The following KDM4C variants were observed in gnomAD, a reference collection of about 807,000 sequenced individuals.
KDM4C encodes lysine demethylase 4C.
In KDM4C, 81 loss-of-function variants were observed where a neutral mutation model predicts 129.3. The observed-to-expected ratio is 0.63, with a 90% CI of 0.52 to 0.75. The LOEUF is 0.75. Among genes scored for constraint, KDM4C ranks in the 30% least tolerant of loss-of-function variants. The pLI, the probability that KDM4C is intolerant of heterozygous loss-of-function variation, is 0.00. For missense variants in KDM4C, 1,457 were observed against 1,304.0 expected (o/e 1.12, Z -1.81); for synonymous variants, 573 against 456.1 (o/e 1.26, Z -3.26).
chr9:6,793,702 C>T (rs537756245), intron 2 of KDM4C, among the ~76,000 whole-genome samples: 32 of 151,838 alleles, frequency 2.1e-4, no homozygotes, highest in African/African-American at 6.8e-4. Flanking sequence ...CACCATGCCC[C>T]GCTAATTTTT....
intron 18 of KDM4C, among the ~76,000 whole-genome samples, chr9:7,119,283 C>T (rs749307985): frequency 2.6e-5 from 4 of 152,016 alleles, no homozygotes; most frequent in Admixed American, 6.6e-5. Context: ...TTGGCTGCTG[C>T]GTCATTAAAT....
chr9:7,007,466 G>A (rs1376571749), intron 12 of KDM4C, among the ~76,000 whole-genome samples: 2 of 152,126 alleles, frequency 1.3e-5, no homozygotes, highest in Non-Finnish European at 1.5e-5. Flanking sequence ...AGAAAAGGAG[G>A]CCTTTTTGCT....
intron 1 of KDM4C, among the ~76,000 whole-genome samples, chr9:6,761,096 A>G (rs1460492807): frequency 1.5e-5 from 2 of 137,094 alleles, no homozygotes; most frequent in South Asian, 2.3e-4. Context: ...TGCAACCTCT[A>G]TCTCCCAGGT....
At chr9:6,814,588 C>T in intron 3 of KDM4C, 43 bp from the exon 4 acceptor site, 1 of 1,274,526 alleles carries the variant, frequency 7.8e-7, no homozygotes, top group Non-Finnish European at 1.1e-6. Flanking sequence ...AACCCTAAAA[C>T]TGACTTACTG....
intron 1 of KDM4C, among the ~76,000 whole-genome samples, chr9:6,733,038 C>G (rs1563916027): frequency 6.6e-6 from 1 of 152,088 alleles, no homozygotes; most frequent in Non-Finnish European, 1.5e-5. Context: ...GAAAGTACCA[C>G]CACGTGGTTA....
chr9:7,035,978 G>T (rs7854335), intron 15 of KDM4C, among the ~76,000 whole-genome samples: 54,332 of 151,962 alleles, frequency 0.36, 10,880 homozygotes, highest in Middle Eastern at 0.46. Context: ...ATCATTTGTG[G>T]TTCCATACAA....
chr9:7,035,005 T>C (rs1564018361), intron 15 of KDM4C, among the ~76,000 whole-genome samples: 1 of 152,002 alleles, frequency 6.6e-6, no homozygotes, highest in Non-Finnish European at 1.5e-5. Context: ...GCCCATTCTT[T>C]GTTTCTTTTT....
intron 5 of KDM4C, among the ~76,000 whole-genome samples, chr9:6,854,300 G>A (rs62535683): frequency 0.075 from 11,404 of 151,890 alleles, 615 homozygotes; most frequent in Non-Finnish European, 0.11. Context: ...AGGCCGAGGC[G>A]GGCGGATCAC....
chr9:6,940,034 T>TTCCCTCC (rs1563850249), intron 8 of KDM4C, among the ~76,000 whole-genome samples: 1 of 70,996 alleles, frequency 1.4e-5, no homozygotes. Context: ...TCCTTCCTTC[T>TTCCCTCC]TTCCTTCCTT....
rs772965524 is a variant in KDM4C at position 7,106,997 on chromosome 9, A to C, written c.2610+3127A>C. The stretch of plus-strand genomic sequence containing the variant: ...TGGAAAAAAGTGTGTCACAGGAAGT[A>C]CACAGCTGATCCCTGTTATTTCAAC... On this transcript the variant is annotated intron_variant, in intron 18 of 21. Coordinates refer to ENST00000381309, the MANE Select transcript of KDM4C (RefSeq NM_015061.6). 1.4e-4 allele frequency among the ~76,000 whole-genome samples: 21 copies of C among 152,298 alleles called. 1 individual carries two copies. The highest frequency in any genetic ancestry group is 3.4e-3 in the Middle Eastern group (1 of 294).
At chr9:6,761,653 C>T (rs1047074677) in intron 1 of KDM4C, among the ~76,000 whole-genome samples, 1 of 152,118 alleles carries the variant, frequency 6.6e-6, no homozygotes. Flanking sequence ...AGTCTTTATA[C>T]TGCTCATGGT....
At position 6,779,032 on chromosome 9, in the gene KDM4C, C is replaced by CTTTTTTTTTTTTTTTTTTT. The variant is rs60503128; in HGVS notation, c.-17-13926_-17-13925insTTTTTTTTTTTTTTTTTTT. On this transcript the variant is annotated intron_variant, in intron 1 of 21. Coordinates refer to ENST00000381309, the MANE Select transcript of KDM4C (RefSeq NM_015061.6). Reference sequence around the variant, plus strand: ...CTACCTCACCAGGCCTGATTAAAGTCTTTTTTTTTTTTTTGAGATGGAGTC... The same window carrying CTTTTTTTTTTTTTTTTTTT: ...CTACCTCACCAGGCCTGATTAAAGTCTTTTTTTTTTTTTTTTTTTTTTTTTTTTTTTTTGAGATGGAGTC... Among the ~76,000 whole-genome samples the CTTTTTTTTTTTTTTTTTTT allele has an allele frequency of 7.4e-5, 7 of 94,630 alleles. 2 individuals carry two copies. Among genetic ancestry groups the CTTTTTTTTTTTTTTTTTTT allele is most frequent in the African/African-American group, 3.6e-4 (7 of 19,402 alleles). 62.1% of individuals were successfully genotyped at this position (94,630 alleles called of 152,430 possible).
At chr9:7,112,645 A>G (rs1398632109) in intron 18 of KDM4C, among the ~76,000 whole-genome samples, 1 of 152,194 alleles carries the variant, frequency 6.6e-6, no homozygotes, top group African/African-American at 2.4e-5. Flanking sequence ...CCTGGCCCCC[A>G]CAGGGCTGAT....
At chr9:6,996,687 G>GTGC (rs1188631889) in intron 12 of KDM4C, among the ~76,000 whole-genome samples, 1 of 152,214 alleles carries the variant, frequency 6.6e-6, no homozygotes, top group Non-Finnish European at 1.5e-5. Flanking sequence ...TTCCCACCAT[G>GTGC]TGCTAGTGGT....
intron 2 of KDM4C, among the ~76,000 whole-genome samples, chr9:6,794,569 A>G (rs995697962): frequency 6.6e-6 from 1 of 152,160 alleles, no homozygotes; most frequent in African/African-American, 2.4e-5. Flanking sequence ...TGAAGAATGA[A>G]TTGGTGTTGT....
chr9:6,782,871 G>T (rs1008796370), intron 1 of KDM4C, among the ~76,000 whole-genome samples: 2 of 152,198 alleles, frequency 1.3e-5, no homozygotes, highest in African/African-American at 4.8e-5. Context: ...GACTCTTGGG[G>T]TGGTTGAAGA....
chr9:7,123,607 T>G (rs897551847), intron 18 of KDM4C, among the ~76,000 whole-genome samples: 1 of 152,130 alleles, frequency 6.6e-6, no homozygotes, highest in African/African-American at 2.4e-5. Flanking sequence ...CTGGGTTCTG[T>G]GGATAAAAAG....
intron 5 of KDM4C, among the ~76,000 whole-genome samples, chr9:6,867,266 G>A (rs1371309345): frequency 6.6e-6 from 1 of 151,974 alleles, no homozygotes. Context: ...CGCCCACCTC[G>A]GCCTCTGAAA....
chr9:7,081,059 T>C (rs1834466782), intron 17 of KDM4C, among the ~76,000 whole-genome samples: 1 of 152,244 alleles, frequency 6.6e-6, no homozygotes, highest in Non-Finnish European at 1.5e-5. Context: ...TAAGTCTTTT[T>C]ACAAATTACC....
Sources: allele counts gnomAD v4.1 joint callset (sites outside exome capture counted in the v4.1 genomes callset), GRCh38; gene constraint gnomAD v4.1.1; transcripts MANE v1.5; gene names NCBI Gene and HGNC (gene_info 2026-07-23, HGNC 2026-07-21).